CNOT10: variants seen among roughly 807,000 people sequenced by gnomAD.
The protein encoded by CNOT10 is CCR4-NOT transcription complex, subunit 10.
In CNOT10, 30 loss-of-function variants were observed where a neutral mutation model predicts 94.6. The observed-to-expected ratio is 0.32, with a 90% confidence interval of 0.24 to 0.43. CNOT10 has a LOEUF of 0.43. CNOT10 is among the 20% of genes least tolerant of loss of function. CNOT10 has a pLI of 1.00. For synonymous variants in CNOT10, 289 were observed against 301.6 expected (o/e 0.96, Z 0.43); for missense variants, 759 against 877.2 (o/e 0.87, Z 1.70).
At chr3:32,712,199 G>A (rs1697925732) in intron 4 of CNOT10, among the ~76,000 whole-genome samples, 1 of 148,226 alleles carries the variant, frequency 6.7e-6, no homozygotes, top group South Asian at 2.1e-4. Flanking sequence ...ACCTAGAAAA[G>A]CAATGTATTT....
At chr3:32,741,388 A>G (rs1699453549) in intron 13 of CNOT10, among the ~76,000 whole-genome samples, 1 of 152,134 alleles carries the variant, frequency 6.6e-6, no homozygotes, top group Non-Finnish European at 1.5e-5. Flanking sequence ...AAATATTCAC[A>G]GGTATTTATG....
At chr3:32,705,404 G>A (rs1697572392) in intron 3 of CNOT10, among the ~76,000 whole-genome samples, 1 of 152,176 alleles carries the variant, frequency 6.6e-6, no homozygotes, top group African/African-American at 2.4e-5. Context: ...GATTGGTCTG[G>A]TGATAATGGC....
intron 18 of CNOT10, 29 bp downstream of exon 18, chr3:32,769,991 A>G (rs375916402): frequency 7.1e-5 from 111 of 1,571,312 alleles, no homozygotes; most frequent in Non-Finnish European, 1.4e-5. Context: ...TTAGGACTTT[A>G]TCCCTTGAAA....
chr3:32,752,992 A>T, intron 13 of CNOT10: 2 of 472,890 alleles, frequency 4.2e-6, no homozygotes, highest in Non-Finnish European at 8.3e-6. Context: ...GAGGACCCCC[A>T]GGCGGCATTA....
chr3:32,745,294 GT>G (rs199910892), intron 13 of CNOT10, among the ~76,000 whole-genome samples: 5,501 of 151,688 alleles, frequency 0.036, 121 homozygotes, highest in Non-Finnish European at 0.053. Context: ...AATTATTGTA[GT>G]TTTTTTTATT....
chr3:32,753,199 C>T (rs1157337614), intron 13 of CNOT10: 4 of 685,148 alleles, frequency 5.8e-6, no homozygotes, highest in Non-Finnish European at 1.1e-5. Flanking sequence ...ATGCTGCTGC[C>T]CTAGAAATTT....
intron 1 of CNOT10, among the ~76,000 whole-genome samples, chr3:32,690,706 C>T (rs1176864041): frequency 6.6e-6 from 1 of 151,956 alleles, no homozygotes; most frequent in African/African-American, 2.4e-5. Context: ...GCCACCATGC[C>T]CGGCTAGTTT....
intron 18 of CNOT10, among the ~76,000 whole-genome samples, chr3:32,773,208 C>T (rs1034570282): frequency 6.6e-6 from 1 of 152,182 alleles, no homozygotes; most frequent in African/African-American, 2.4e-5. Context: ...AAGTTCTCTA[C>T]CTGGGCTATA....
chr3:32,695,446 A>G (rs1697004886), intron 1 of CNOT10: 1 of 834,842 alleles, frequency 1.2e-6, no homozygotes, highest in Non-Finnish European at 1.7e-6. Flanking sequence ...TTCTTGATAT[A>G]TCAGTGGAGC....
intron 8 of CNOT10, among the ~76,000 whole-genome samples, chr3:32,722,856 C>G (rs573938091): frequency 6.6e-6 from 1 of 152,076 alleles, no homozygotes; most frequent in African/African-American, 2.4e-5. Flanking sequence ...TGATGGCATG[C>G]GCCTGTATTC....
rs757761659 is a variant in CNOT10, at chr3:32,773,483, A to T, written c.2107A>T (p.Ile703Phe). The part of the protein sequence containing the change: ...NGNTQLALQI[I>F]KRNQLLPAVK... ...TAATACTCAGCTGGCCTTACAGATC[A>T]TCAAAAGGAATCAGCTGCTCCCTGC... is the stretch of plus-strand genomic sequence containing the variant. Residue 703 changes from isoleucine (I) to phenylalanine (F), a missense_variant, in exon 19 of 19, where the codon ATC (isoleucine) becomes TTC (phenylalanine). By Grantham distance (21) the Ile-to-Phe change is conservative. Around this residue, in one of 3 missense-constraint regions of CNOT10, gnomAD observed 73 missense variants for 61.0 expected, o/e 1.20. Transcript: ENST00000328834. The T allele has an allele frequency of 1.2e-6, 2 of 1,613,642 alleles. No individual in the cohort carries two copies. The highest frequency in any genetic ancestry group is 1.1e-5 in the South Asian group (1 of 90,970).
chr3:32,693,080 G>C (rs542429830), intron 1 of CNOT10, among the ~76,000 whole-genome samples: 1 of 152,174 alleles, frequency 6.6e-6, no homozygotes, highest in African/African-American at 2.4e-5. Context: ...TTCCCATATT[G>C]ACTGTTAGTC....
At chr3:32,764,946 A>G in intron 17 of CNOT10, 137 bp downstream of exon 17, 1 of 1,501,184 alleles carries the variant, frequency 6.7e-7, no homozygotes, top group Non-Finnish European at 8.9e-7. Context: ...ATATAAAAAT[A>G]TTCTTGCAAG....
chr3:32,758,769 A>C (rs1471677216), intron 13 of CNOT10, among the ~76,000 whole-genome samples: 1 of 152,238 alleles, frequency 6.6e-6, no homozygotes, highest in Admixed American at 6.5e-5. Flanking sequence ...TGAAGTAGAA[A>C]ACCAAATATT....
intron 1 of CNOT10, among the ~76,000 whole-genome samples, chr3:32,685,800 C>T (rs1479003195): frequency 6.6e-6 from 1 of 152,160 alleles, no homozygotes; most frequent in Non-Finnish European, 1.5e-5. Context: ...GTGGGAAAAG[C>T]AGACAAGAGA....
At chr3:32,727,634 T>G in intron 9 of CNOT10, 34 bp from the exon 10 acceptor site, 2 of 1,337,996 alleles carry the variant, frequency 1.5e-6, no homozygotes, top group Non-Finnish European at 2.2e-6. Context: ...ACTGTAAATC[T>G]AATGATGTAT....
intron 4 of CNOT10, 103 bp from the exon 5 acceptor site, chr3:32,713,124 T>C (rs79746557): frequency 0.022 from 20,006 of 893,764 alleles, 361 homozygotes; most frequent in East Asian, 0.059. Flanking sequence ...TAAAGACTTA[T>C]GCTTTGCTAT....
At chr3:32,695,175 G>A (rs1402354244) in intron 1 of CNOT10, among the ~76,000 whole-genome samples, 1 of 152,214 alleles carries the variant, frequency 6.6e-6, no homozygotes, top group Non-Finnish European at 1.5e-5. Flanking sequence ...TTGTCCAGTG[G>A]AGGGAATATG....
rs188844579 is a variant in CNOT10 at position 32,725,400 on chromosome 3, C to T, written c.863-50C>T. On this transcript the variant is annotated intron_variant, in intron 8 of 18. Coordinates refer to ENST00000328834, the MANE Select transcript of CNOT10 (RefSeq NM_015442.3). The stretch of plus-strand genomic sequence containing the variant: ...ATGAGCCCAATTCTTGTCTGAGGGA[C>T]ATCAACATTAAAATTTTTCTGTGGA... 499 of 1,432,420 alleles carry T rather than the reference C, an allele frequency of 3.5e-4. 2 individuals are homozygous for T. In the African/African-American group the frequency reaches 5.9e-3, roughly 17 times the overall value. 88.7% of individuals were successfully genotyped at this position (1,432,420 alleles called of 1,614,324 possible).
Sources: allele counts gnomAD v4.1 joint callset (sites outside exome capture counted in the v4.1 genomes callset), GRCh38; gene constraint gnomAD v4.1.1; regional missense constraint gnomAD v4.1.1; transcripts MANE v1.5; gene names NCBI Gene and HGNC (gene_info 2026-07-23, HGNC 2026-07-21).